FAM120A: variants seen among roughly 807,000 people sequenced by gnomAD.
The protein encoded by FAM120A is family with sequence similarity 120 member A, also known as constitutive coactivator of PPAR-gamma-like protein 1.
A neutral mutation model predicts 109.7 loss-of-function variants in FAM120A; 15 were observed. That is an observed-to-expected ratio of 0.14 (90% CI 0.09 to 0.21). FAM120A has a LOEUF of 0.21. FAM120A is among the 10% of genes least tolerant of loss of function. The pLI is 1.00. For synonymous variants in FAM120A, 493 were observed against 572.8 expected (o/e 0.86, Z 1.99); for missense variants, 899 against 1,439.3 (o/e 0.62, Z 6.07).
chr9:93,481,887 G>T (rs1858827449), intron 3 of FAM120A, among the ~76,000 whole-genome samples: 1 of 152,048 alleles, frequency 6.6e-6, no homozygotes, highest in Admixed American at 6.6e-5. Context: ...GGCCAGGCTG[G>T]GTCCTGGGCC....
chr9:93,557,581 T>C (rs930749404), intron 13 of FAM120A, among the ~76,000 whole-genome samples: 9 of 152,226 alleles, frequency 5.9e-5, no homozygotes, highest in Non-Finnish European at 1.3e-4. Flanking sequence ...CTGGGGTCAG[T>C]GCATCAGGCA....
chr9:93,520,495 A>C (rs1295013724), intron 7 of FAM120A, among the ~76,000 whole-genome samples: 1 of 152,242 alleles, frequency 6.6e-6, no homozygotes, highest in African/African-American at 2.4e-5. Flanking sequence ...AAAGCCTATA[A>C]AATTGTCAAA....
At chr9:93,505,021 G>A (rs1859970744) in intron 5 of FAM120A, among the ~76,000 whole-genome samples, 1 of 139,034 alleles carries the variant, frequency 7.2e-6, no homozygotes, top group African/African-American at 2.8e-5. Flanking sequence ...TTCCTCTATT[G>A]TGAAATGCTT....
chr9:93,476,687 C>G (rs1858562696), intron 3 of FAM120A, among the ~76,000 whole-genome samples: 1 of 152,076 alleles, frequency 6.6e-6, no homozygotes, highest in South Asian at 2.1e-4. Context: ...AGTTACTTGT[C>G]ACTTAGAGCA....
intron 10 of FAM120A, among the ~76,000 whole-genome samples, chr9:93,539,260 G>A (rs1861619104): frequency 6.6e-6 from 1 of 152,060 alleles, no homozygotes; most frequent in Non-Finnish European, 1.5e-5. Flanking sequence ...ACCTCCCAAA[G>A]TGCTGGGATT....
At chr9:93,526,885 A>G (rs914951373) in intron 7 of FAM120A, among the ~76,000 whole-genome samples, 10 of 152,114 alleles carry the variant, frequency 6.6e-5, no homozygotes, top group African/African-American at 1.7e-4. Flanking sequence ...TGCATCCTCT[A>G]TAGCGCTAAG....
At chr9:93,478,882 G>A (rs1327236147) in intron 3 of FAM120A, among the ~76,000 whole-genome samples, 1 of 152,180 alleles carries the variant, frequency 6.6e-6, no homozygotes, top group Non-Finnish European at 1.5e-5. Context: ...CCATGAGCAT[G>A]ACTGATGGAT....
At chr9:93,494,806 A>G (rs1395403989) in intron 3 of FAM120A, among the ~76,000 whole-genome samples, 1 of 152,104 alleles carries the variant, frequency 6.6e-6, no homozygotes, top group South Asian at 2.1e-4. Context: ...GGAACCCTCA[A>G]GCAGGGGGTT....
At chr9:93,526,410 C>T (rs755737195) in intron 7 of FAM120A, among the ~76,000 whole-genome samples, 2 of 152,190 alleles carry the variant, frequency 1.3e-5, no homozygotes, top group African/African-American at 4.8e-5. Context: ...ATTAAACCCA[C>T]GAAATTGTAT....
At chr9:93,474,946 A>G (rs1486519187) in intron 2 of FAM120A, among the ~76,000 whole-genome samples, 2 of 152,170 alleles carry the variant, frequency 1.3e-5, no homozygotes, top group East Asian at 1.9e-4. Flanking sequence ...CGGGAAAACA[A>G]TATCAAGCCA....
chr9:93,525,061 A>G (rs866394036), intron 7 of FAM120A, among the ~76,000 whole-genome samples: 4 of 152,070 alleles, frequency 2.6e-5, no homozygotes, highest in African/African-American at 7.2e-5. Context: ...TTAATTGTAA[A>G]GTAATATATT....
At chr9:93,520,570 G>A (rs1003730845) in intron 7 of FAM120A, among the ~76,000 whole-genome samples, 2 of 152,226 alleles carry the variant, frequency 1.3e-5, no homozygotes, top group Non-Finnish European at 2.9e-5. Flanking sequence ...CCTGGCTGTC[G>A]CCACTGAGCA....
chr9:93,462,692 C>T (rs1857847237), intron 1 of FAM120A, among the ~76,000 whole-genome samples: 1 of 152,216 alleles, frequency 6.6e-6, no homozygotes, highest in African/African-American at 2.4e-5. Context: ...CTGTAATTCC[C>T]CATTTCTTCC....
intron 3 of FAM120A, among the ~76,000 whole-genome samples, chr9:93,494,228 G>T (rs10118574): frequency 6.6e-6 from 1 of 152,142 alleles, no homozygotes; most frequent in Non-Finnish European, 1.5e-5. Context: ...TGTGCTGTGC[G>T]TTCTTTACTC....
chr9:93,453,028 T>C, intron 1 of FAM120A: 1 of 1,161,550 alleles, frequency 8.6e-7, no homozygotes, highest in Non-Finnish European at 1.1e-6. Context: ...CTTTTTGTGT[T>C]AGATTTCAAA....
rs1458385267 is a variant in FAM120A, at chr9:93,452,819, G to T, written c.474+430G>T. ...ACAGGTTCATCTTGGAAGCAGGCAG[G>T]ATACAGAGTAATAGAGGGGGTTTCG... is the stretch of plus-strand genomic sequence containing the variant. On this transcript the variant is annotated intron_variant, in intron 1 of 17. Transcript: ENST00000277165. The surrounding 1 kb of genome is among the most constrained non-coding windows in gnomAD (Gnocchi z 7.0). 1.9e-6 allele frequency: 3 copies of T among 1,572,512 alleles called. No individual in the cohort carries two copies. Among genetic ancestry groups the T allele is most frequent in the Admixed American group, 1.9e-5 (1 of 54,038 alleles).
In FAM120A at chr9:93,558,907, G is replaced by A. The variant is rs1424341052; in HGVS notation, c.2806+189G>A. Reference sequence around the variant, plus strand: ...CTCTCTGCTCTCAGGTCTCAGCAGCGGCTCTGCTGTGGCCAGTCTCTCCTT... The same window carrying A: ...CTCTCTGCTCTCAGGTCTCAGCAGCAGCTCTGCTGTGGCCAGTCTCTCCTT... On this transcript the variant is annotated intron_variant, in intron 15 of 17. Coordinates refer to ENST00000277165, the MANE Select transcript of FAM120A (RefSeq NM_014612.5). Among the ~76,000 whole-genome samples the A allele has an allele frequency of 2.6e-5, 4 of 152,238 alleles. 1 individual carries two copies. The highest frequency in any genetic ancestry group is 6.8e-3 in the Middle Eastern group (2 of 294).
In FAM120A at chr9:93,468,752, C is replaced by T. The variant is rs561143809; in HGVS notation, c.475-2389C>T. Among the ~76,000 whole-genome samples, 4 of 152,268 alleles carry T rather than the reference C, an allele frequency of 2.6e-5. No individual in the cohort carries two copies. In the East Asian group the frequency reaches 5.8e-4, roughly 22 times the overall value. On this transcript the variant is annotated intron_variant, in intron 1 of 17. Coordinates refer to ENST00000277165, the MANE Select transcript of FAM120A (RefSeq NM_014612.5). ...TTATTTTTTTCCCTTAGGAGTCTAC[C>T]GTGATCCTTTTTATGCTTCTAATGT... is the stretch of plus-strand genomic sequence containing the variant.
At chr9:93,507,440 C>G (rs1773300945) in intron 5 of FAM120A, among the ~76,000 whole-genome samples, 1 of 152,050 alleles carries the variant, frequency 6.6e-6, no homozygotes, top group Non-Finnish European at 1.5e-5. Context: ...GAGGCGCCTT[C>G]TAGGATCCCG....
Sources: gnomAD v4.1 joint callset for allele counts (sites outside exome capture counted in the v4.1 genomes callset) on GRCh38, gnomAD v4.1.1 for gene constraint, Gnocchi (gnomAD v3.1) non-coding constraint, MANE v1.5 for transcripts, NCBI Gene and HGNC (gene_info 2026-07-23, HGNC 2026-07-21) for gene names.